GPS1: variants seen among roughly 807,000 people sequenced by gnomAD.
The protein encoded by GPS1 is G protein pathway suppressor 1.
In GPS1, 11 loss-of-function variants were observed where a neutral mutation model predicts 60.0. The observed-to-expected ratio is 0.18, with a 90% confidence interval of 0.12 to 0.30. GPS1 has a LOEUF of 0.30. Among genes scored for constraint, GPS1 ranks in the 10% least tolerant of loss-of-function variants. GPS1 has a pLI of 1.00. For missense variants in GPS1, 543 were observed against 669.2 expected, an observed-to-expected ratio of 0.81 and a Z score of 2.08; for synonymous variants, 343 against 269.8, an observed-to-expected ratio of 1.27 and a Z score of -2.66.
At chr17:82,052,495 G>A (rs372303943) in intron 1 of GPS1, 14 of 1,595,930 alleles carry the variant, frequency 8.8e-6, no homozygotes, top group African/African-American at 1.3e-5. Flanking sequence ...AGCGAGGGAG[G>A]GGGGAGCAGG....
chr17:82,056,631 T>G lies in GPS1; in HGVS notation c.1119T>G (p.Tyr373Ter). The change falls in exon 11 of 13, where the codon TAT becomes TAG. Residue 373 changes from tyrosine (Y) to a stop codon, truncating the protein, a stop_gained and splice_region_variant. Coordinates refer to ENST00000578552, the MANE Select transcript of GPS1 (RefSeq NM_001321092.3). LOFTEE classifies it high-confidence loss of function. ...TQIRNRALIQ[Y>*]FSPYVSADMH... ...GCTGACTTCCCTCTGCCCTGCAGTA[T>G]TTCAGCCCCTACGTGTCAGCCGACA... The G allele has an allele frequency of 6.2e-7, 1 of 1,611,362 alleles. No individual in the cohort carries two copies. The highest frequency in any genetic ancestry group is 8.5e-7 in the Non-Finnish European group (1 of 1,179,140).
Position 82,057,319 on chromosome 17 carries a change from C to G in GPS1, c.*192C>G. On this transcript the variant is annotated 3_prime_UTR_variant, in exon 13 of 13. Transcript: ENST00000578552. ...TTGTGGCCCTTCCTGGAAGGAGAGGCCTGCAGGGCTCGACCCTGTGGGTTT... is the reference window on the plus strand; with the variant it reads ...TTGTGGCCCTTCCTGGAAGGAGAGGGCTGCAGGGCTCGACCCTGTGGGTTT... 1.3e-6 allele frequency: 1 copy of G among 778,326 alleles called. No individual in the cohort carries two copies. Among genetic ancestry groups the G allele is most frequent in the Non-Finnish European group, 2.2e-6 (1 of 449,964 alleles). 48.2% of individuals were successfully genotyped at this position (778,326 alleles called of 1,614,324 possible). A position where few individuals can be genotyped will look rare whatever the true frequency, so the allele number is the denominator to read the frequency against.
chr17:82,052,395 T>G (rs771448835), intron 1 of GPS1: 1 of 1,612,134 alleles, frequency 6.2e-7, no homozygotes, highest in Non-Finnish European at 8.5e-7. Context: ...GACCTCGTCC[T>G]GCCCGGCACG....
chr17:82,056,615 C>T lies in GPS1; in HGVS notation c.1117-14C>T, dbSNP rs1344207354. 7 of 1,612,096 alleles carry T rather than the reference C, an allele frequency of 4.3e-6. No homozygotes were observed. Among genetic ancestry groups the T allele is most frequent in the African/African-American group, 1.3e-5 (1 of 74,934 alleles). ...TGCAGGGGGCTGTGGAGCTGACTTC[C>T]CTCTGCCCTGCAGTATTTCAGCCCC... On this transcript the variant is annotated splice_polypyrimidine_tract_variant and intron_variant, in intron 10 of 12. Transcript: ENST00000578552.
Position 82,054,992 on chromosome 17 carries a change from C to CA in GPS1, c.687+18dup. 3 of 1,613,022 alleles carry CA rather than the reference C, an allele frequency of 1.9e-6. No homozygotes were observed. Among genetic ancestry groups the CA allele is most frequent in the Non-Finnish European group, 2.5e-6 (3 of 1,179,910 alleles). On this transcript the variant is annotated intron_variant, in intron 5 of 12. Coordinates refer to ENST00000578552, the MANE Select transcript of GPS1 (RefSeq NM_001321092.3). Reference sequence around the variant, plus strand: ...ATTGCCGAGGTACGGGCCACCTCCTCAGAGACCTTGCCCCCAGGATTCCTG... The same window carrying CA: ...ATTGCCGAGGTACGGGCCACCTCCTCAAGAGACCTTGCCCCCAGGATTCCTG...
In GPS1 at chr17:82,056,400, C is replaced by T. The variant is rs557254681; in HGVS notation, c.1035+9C>T. On this transcript the variant is annotated intron_variant, in intron 9 of 12. Coordinates refer to ENST00000578552, the MANE Select transcript of GPS1 (RefSeq NM_001321092.3). ...TGCTGGACGAGATGAAGGTGGGCCC[C>T]GCCTGGGGTAGGGGTGAGGTGGGGC... 52 of 1,612,660 alleles carry T rather than the reference C, an allele frequency of 3.2e-5. No individual in the cohort carries two copies. The highest frequency in any genetic ancestry group is 1.0e-4 in the Admixed American group (6 of 60,014).
intron 6 of GPS1, chr17:82,055,525 C>T (rs1169965313): frequency 6.6e-6 from 4 of 607,054 alleles, no homozygotes; most frequent in African/African-American, 5.6e-5. Context: ...TCCCTGCATG[C>T]CTGGCTTCAG....
chr17:82,056,763 C>A lies in GPS1; in HGVS notation c.1251C>A (p.Ser417Arg). 1 of 1,594,024 alleles carries A rather than the reference C, an allele frequency of 6.3e-7. No individual in the cohort carries two copies. Among genetic ancestry groups the A allele is most frequent in the Admixed American group, 1.7e-5 (1 of 58,778 alleles). ...GLISARVDSH[S>R]KILYARDVDQ... The stretch of plus-strand genomic sequence containing the variant: ...TCAGTGCCCGTGTGGACTCACACAG[C>A]AAGGTGGCTGTGGGCTGCGGGGCGG... Residue 417 changes from serine to arginine, a missense_variant, in exon 11 of 13, where the codon AGC becomes AGA. Coordinates refer to ENST00000578552, the MANE Select transcript of GPS1 (RefSeq NM_001321092.3).
chr17:82,055,124 T>G (rs368926784), intron 5 of GPS1, 38 bp from the exon 6 acceptor site: 2 of 1,563,876 alleles, frequency 1.3e-6, no homozygotes, highest in African/African-American at 2.7e-5. Context: ...CTAGGAAATG[T>G]GGAGCATGGG....
upstream of GPS1, chr17:82,051,737 C>A: frequency 9.3e-7 from 1 of 1,071,636 alleles, no homozygotes; most frequent in Non-Finnish European, 1.1e-6. The surrounding 1 kb of genome is among the most constrained non-coding windows in gnomAD (Gnocchi z 4.1). Flanking sequence ...CGAGGCAGGC[C>A]CGGCACAGCG....
At chr17:82,052,792 C>G (rs909813378) in intron 1 of GPS1, 68 of 370,566 alleles carry the variant, frequency 1.8e-4, no homozygotes, top group Middle Eastern at 8.0e-4. Context: ...TCCCCTTCTC[C>G]CAACTCCGTG....
In GPS1 at chr17:82,056,058, G is replaced by T; in HGVS notation, c.892G>T (p.Asp298Tyr). 1 of 1,612,694 alleles carries T rather than the reference G, an allele frequency of 6.2e-7. No individual in the cohort carries two copies. Among genetic ancestry groups the T allele is most frequent in the South Asian group, 1.1e-5 (1 of 91,054 alleles). The change falls in exon 8 of 13, where the codon GAC (aspartate) becomes TAC (tyrosine). Residue 298 changes from aspartate (D) to tyrosine (Y), a missense_variant. Physicochemically the swap from Asp to Tyr is radical, Grantham distance 160 (BLOSUM62 -3). Around this residue, in one of 3 missense-constraint regions of GPS1, gnomAD observed 291 missense variants for 353.7 expected, o/e 0.82. Coordinates refer to ENST00000578552, the MANE Select transcript of GPS1 (RefSeq NM_001321092.3). Reference sequence around the variant, plus strand: ...TGGCCTGTGCGCCTTGGCTACCTTTGACCGGCAGGAGCTGCAGCGCAATGT... The same window carrying T: ...TGGCCTGTGCGCCTTGGCTACCTTTTACCGGCAGGAGCTGCAGCGCAATGT... ...YGGLCALATF[D>Y]RQELQRNVIS...
In GPS1 at chr17:82,052,985, C is replaced by T. The variant is rs76459643; in HGVS notation, c.34-289C>T. 2.2e-3 allele frequency: 623 copies of T among 284,920 alleles called. 2 individuals carry two copies. Among genetic ancestry groups the T allele is most frequent in the African/African-American group, 0.013 (589 of 45,438 alleles). The allele number at this position is 284,920 out of a possible 1,614,324, so 17.6% of individuals were successfully genotyped here. On this transcript the variant is annotated intron_variant, in intron 1 of 12. Transcript: ENST00000578552. ...AGGCCCCTGTGTAGTTGGTTGTCCC[C>T]TGTCTGCTTTCTGGCTTTCAGAGAT...
Position 82,055,981 on chromosome 17 carries a change from G to C in GPS1, c.835-20G>C. On this transcript the variant is annotated intron_variant, in intron 7 of 12. Coordinates refer to ENST00000578552, the MANE Select transcript of GPS1 (RefSeq NM_001321092.3). ...GGCCTGGCCCTTCACTGCCTGTGAC[G>C]CCAGGTCTCTGCTCCTCAGCTGCTG... 1 of 1,581,756 alleles carries C rather than the reference G, an allele frequency of 6.3e-7. No individual in the cohort carries two copies. Among genetic ancestry groups the C allele is most frequent in the South Asian group, 1.1e-5 (1 of 90,324 alleles).
intron 3 of GPS1, 133 bp from the exon 4 acceptor site, chr17:82,054,377 G>A (rs1161221844): frequency 1.7e-6 from 2 of 1,193,394 alleles, no homozygotes; most frequent in African/African-American, 3.1e-5. Context: ...CTAGAGGTGG[G>A]GTTTGAGGCC....
At position 82,054,646 on chromosome 17, in the gene GPS1, A is replaced by C. The variant is rs2032077381; in HGVS notation, c.445A>C (p.Lys149Gln). Residue 149 changes from lysine to glutamine, a missense_variant, in exon 4 of 13, where the codon AAG becomes CAG. Coordinates refer to ENST00000578552, the MANE Select transcript of GPS1 (RefSeq NM_001321092.3). ...GCTGGACACAGACCTGAAGAACTAC[A>C]AGGGCAACTCCATCAAAGAGAGCAT... is the stretch of plus-strand genomic sequence containing the variant. ...EKLDTDLKNY[K>Q]GNSIKESIRR... The C allele has an allele frequency of 6.2e-7, 1 of 1,610,610 alleles. No individual in the cohort carries two copies. Among genetic ancestry groups the C allele is most frequent in the Non-Finnish European group, 8.5e-7 (1 of 1,179,774 alleles).
rs2032872131 is a variant in GPS1 at position 82,056,672 on chromosome 17, C to T, written c.1160C>T (p.Ala387Val). The T allele has an allele frequency of 1.2e-6, 2 of 1,602,524 alleles. No homozygotes were observed. The highest frequency in any genetic ancestry group is 1.7e-5 in the Admixed American group (1 of 59,414). ...TCAGCCGACATGCATAGGATGGCGG[C>T]AGCCTTCAATACCACGGTGGCCGCC... is the stretch of plus-strand genomic sequence containing the variant. ...YVSADMHRMA[A>V]AFNTTVAALE... The change falls in exon 11 of 13, where the codon GCA (alanine) becomes GTA (valine). Residue 387 changes from alanine (A) to valine (V), a missense_variant. Ala to Val is a moderately conservative substitution (Grantham distance 64, BLOSUM62 0). Coordinates refer to ENST00000578552, the MANE Select transcript of GPS1 (RefSeq NM_001321092.3).
At chr17:82,054,841 A>C (rs768868833) in intron 4 of GPS1, 31 bp downstream of exon 4, 1 of 1,576,038 alleles carries the variant, frequency 6.3e-7, no homozygotes, top group Admixed American at 1.7e-5. Context: ...GGGGGTGGGC[A>C]GCATGGCTGG....
intron 1 of GPS1, chr17:82,052,366 C>G (rs1470354115): frequency 6.2e-7 from 1 of 1,612,500 alleles, no homozygotes; most frequent in African/African-American, 1.3e-5. Context: ...TGTACTGCAC[C>G]CCTCACAGCA....
Sources: allele counts gnomAD v4.1 joint callset, GRCh38; gene constraint gnomAD v4.1.1; regional missense constraint gnomAD v4.1.1; non-coding constraint Gnocchi (gnomAD v3.1); transcripts MANE v1.5; gene names NCBI Gene and HGNC (gene_info 2026-07-23, HGNC 2026-07-21).